Variants in PCDHGA2 observed in about 807,000 individuals in gnomAD.
The protein encoded by PCDHGA2 is protocadherin gamma-A2.
Under a neutral mutation model 59.2 loss-of-function variants are expected in PCDHGA2, and 40 were observed. The ratio of observed to expected loss-of-function variants is 0.68; its 90% CI spans 0.52 to 0.88. PCDHGA2 has a LOEUF of 0.88. Among genes scored for constraint, PCDHGA2 ranks in the 40% least tolerant of loss-of-function variants. The pLI is 0.00. For missense variants in PCDHGA2, 1,226 were observed against 1,204.0 expected (o/e 1.02, Z -0.27); for synonymous variants, 560 against 526.0 (o/e 1.06, Z -0.89).
rs565524310 is a variant in PCDHGA2, at chr5:141,375,830, G to A, written c.2424+34435G>A. The stretch of plus-strand genomic sequence containing the variant: ...CGTGGAGCTGGCGCCCCGCTCCGCA[G>A]AGCCCGGCTACCTGGTGACCAAGGT... On this transcript the variant is annotated intron_variant, in intron 1 of 3. Transcript: ENST00000394576. 6.8e-6 allele frequency: 11 copies of A among 1,614,152 alleles called. No homozygotes were observed. In the East Asian group the frequency reaches 2.2e-4, roughly 33 times the overall value.
intron 1 of PCDHGA2, among the ~76,000 whole-genome samples, chr5:141,435,743 G>T (rs3805699): frequency 0.11 from 17,212 of 152,168 alleles, 1,160 homozygotes; most frequent in African/African-American, 0.18. Context: ...TCTTTGAAAA[G>T]CATTGCTTGA....
Position 141,340,357 on chromosome 5 carries a change from C to G in PCDHGA2, c.1386C>G (p.Pro462=), listed in dbSNP as rs765686553. Reference sequence around the variant, plus strand: ...GCACATCCTACTCCACCTACATTCCCGAAAACAACCCCAGAGGAGCCTCTG... The same window carrying G: ...GCACATCCTACTCCACCTACATTCCGGAAAACAACCCCAGAGGAGCCTCTG... ...FSRTSYSTYI[P]ENNPRGASVF... Residue 462 remains proline (P), a synonymous_variant, in exon 1 of 4, where the codon CCC becomes CCG. Transcript: ENST00000394576. 2 of 1,614,182 alleles carry G rather than the reference C, an allele frequency of 1.2e-6. No individual in the cohort carries two copies. The highest frequency in any genetic ancestry group is 1.7e-6 in the Non-Finnish European group (2 of 1,180,044).
At chr5:141,374,833 T>C in intron 1 of PCDHGA2, 7 of 1,613,930 alleles carry the variant, frequency 4.3e-6, no homozygotes, top group Non-Finnish European at 5.9e-6. Flanking sequence ...ACCGTGTAAG[T>C]GTTCCTGAAA....
intron 1 of PCDHGA2, among the ~76,000 whole-genome samples, chr5:141,458,557 G>A (rs1258900717): frequency 6.9e-6 from 1 of 143,954 alleles, no homozygotes; most frequent in Non-Finnish European, 1.5e-5. Context: ...TGTTTGTTTT[G>A]GTTTTGGGTT....
At chr5:141,427,912 A>G in intron 1 of PCDHGA2, 1 of 1,577,806 alleles carries the variant, frequency 6.3e-7, no homozygotes, top group East Asian at 2.2e-5. Flanking sequence ...CTCAGCGCCA[A>G]CATGAGCCGG....
In PCDHGA2 at chr5:141,486,329, A is replaced by C. The variant is rs1045072240; in HGVS notation, c.2425-8478A>C. 1.2e-6 allele frequency: 2 copies of C among 1,613,882 alleles called. No individual in the cohort carries two copies. Among genetic ancestry groups the C allele is most frequent in the African/African-American group, 2.7e-5 (2 of 74,866 alleles). ...AGACTCAGGGTCAAACGGAGATGTG[A>C]GCCTCCGCATTCCTGACCACTTGCC... On this transcript the variant is annotated intron_variant, in intron 1 of 3. Transcript: ENST00000394576. The surrounding 1 kb of genome is among the most constrained non-coding windows in gnomAD (Gnocchi z 5.0).
At chr5:141,341,741 A>T (rs1205265267) in intron 1 of PCDHGA2, 3 of 439,924 alleles carry the variant, frequency 6.8e-6, no homozygotes, top group Non-Finnish European at 1.2e-5. Flanking sequence ...CTTTGTTAAA[A>T]ATATAAAGAT....
At chr5:141,392,818 C>T (rs1306076998) in intron 1 of PCDHGA2, 1 of 1,589,068 alleles carries the variant, frequency 6.3e-7, no homozygotes, top group East Asian at 2.2e-5. Flanking sequence ...ACAACAATGG[C>T]CGCTCCACAG....
chr5:141,361,286 G>A (rs1761959082), intron 1 of PCDHGA2: 2 of 1,613,878 alleles, frequency 1.2e-6, no homozygotes, highest in South Asian at 2.2e-5. Context: ...GAAGTTTACT[G>A]CCAAGTGTTG....
intron 1 of PCDHGA2, chr5:141,393,562 A>C: frequency 6.2e-7 from 1 of 1,613,964 alleles, no homozygotes; most frequent in Non-Finnish European, 8.5e-7. Context: ...TACCGAGTGA[A>C]AGTCCTTGAG....
intron 1 of PCDHGA2, among the ~76,000 whole-genome samples, chr5:141,358,460 G>A (rs1316337795): frequency 6.6e-6 from 1 of 152,076 alleles, no homozygotes; most frequent in South Asian, 2.1e-4. Context: ...AAGAATACTG[G>A]CAATTTGTGA....
At chr5:141,419,315 C>T in intron 1 of PCDHGA2, 1 of 1,613,998 alleles carries the variant, frequency 6.2e-7, no homozygotes. Flanking sequence ...GCTCAACGGC[C>T]GTGTCTCCTA....
rs150670410 is a variant in PCDHGA2 at position 141,349,555 on chromosome 5, C to T, written c.2424+8160C>T. 1.8e-3 allele frequency among the ~76,000 whole-genome samples: 269 copies of T among 152,056 alleles called. 1 individual carries two copies. Among genetic ancestry groups the T allele is most frequent in the African/African-American group, 5.0e-3 (206 of 41,486 alleles). On this transcript the variant is annotated intron_variant, in intron 1 of 3. Coordinates refer to ENST00000394576, the MANE Select transcript of PCDHGA2 (RefSeq NM_018915.4). Reference sequence around the variant, plus strand: ...TATATTTTATAAAGAAGAGAAATAACATAATAGTAAGGCTGTGATTTCCTC... The same window carrying T: ...TATATTTTATAAAGAAGAGAAATAATATAATAGTAAGGCTGTGATTTCCTC...
In PCDHGA2 at chr5:141,341,194, G is replaced by C. The variant is rs377230737; in HGVS notation, c.2223G>C (p.Val741=). ...CAGGCATGCAGAGCTCGCACTTTGT[G>C]GGCGTGGACGGGGTTCGGGCTTTCC... ...SLTGMQSSHF[V]GVDGVRAFLQ... The change falls in exon 1 of 4, where the codon GTG becomes GTC. Residue 741 remains valine, a synonymous_variant. Coordinates refer to ENST00000394576, the MANE Select transcript of PCDHGA2 (RefSeq NM_018915.4). 24 of 1,614,108 alleles carry C rather than the reference G, an allele frequency of 1.5e-5. No homozygotes were observed. Among genetic ancestry groups the C allele is most frequent in the Non-Finnish European group, 8.5e-6 (10 of 1,180,044 alleles).
At chr5:141,463,438 C>CTTTTTTT (rs71576115) in intron 1 of PCDHGA2, among the ~76,000 whole-genome samples, 6 of 103,252 alleles carry the variant, frequency 5.8e-5, no homozygotes, top group African/African-American at 1.3e-4. Flanking sequence ...TTTCCTTCTC[C>CTTTTTTT]TTTTTTTTTT....
intron 1 of PCDHGA2, chr5:141,361,004 A>C (rs907175903): frequency 1.2e-6 from 2 of 1,613,282 alleles, no homozygotes; most frequent in African/African-American, 1.3e-5. Flanking sequence ...CAAGTGAAAC[A>C]CTTTTTCAAC....
At chr5:141,393,746 A>G (rs1167040701) in intron 1 of PCDHGA2, 6 of 1,613,800 alleles carry the variant, frequency 3.7e-6, no homozygotes, top group South Asian at 1.1e-5. Context: ...ATTATGAAGA[A>G]TGTTCATTTT....
Position 141,431,054 on chromosome 5 carries a change from G to T in PCDHGA2, c.2425-63753G>T. 6.2e-7 allele frequency: 1 copy of T among 1,614,198 alleles called. No individual in the cohort carries two copies. The highest frequency in any genetic ancestry group is 8.5e-7 in the Non-Finnish European group (1 of 1,180,004). ...AGACCGGGAGGAGCTCTGTATGGGG[G>T]CCATCAAGTGTCAATTAAATCTAGA... On this transcript the variant is annotated intron_variant, in intron 1 of 3. Transcript: ENST00000394576. This position sits in a 1 kb window ranked among gnomAD's most constrained non-coding sequence, Gnocchi z 4.8.
chr5:141,372,052 A>G (rs1768353245), intron 1 of PCDHGA2: 2 of 1,613,472 alleles, frequency 1.2e-6, no homozygotes. Context: ...GTGTTGGTGG[A>G]CGACCGCAAC....
Sources: gnomAD v4.1 joint callset for allele counts (sites outside exome capture counted in the v4.1 genomes callset) on GRCh38, gnomAD v4.1.1 for gene constraint, Gnocchi (gnomAD v3.1) non-coding constraint, MANE v1.5 for transcripts, NCBI Gene and HGNC (gene_info 2026-07-23, HGNC 2026-07-21) for gene names.